MAF: variants seen among roughly 807,000 people sequenced by gnomAD.
MAF encodes MAF bZIP transcription factor.
A neutral mutation model predicts 22.0 loss-of-function variants in MAF; 10 were observed. The ratio of observed to expected loss-of-function variants is 0.45; its 90% CI spans 0.28 to 0.77. The LOEUF (loss-of-function observed/expected upper bound fraction) is 0.77. MAF is among the 30% of genes least tolerant of loss of function. MAF has a pLI of 0.12. For missense variants in MAF, 544 were observed against 548.4 expected, an observed-to-expected ratio of 0.99 and a Z score of 0.08; for synonymous variants, 337 against 255.8, an observed-to-expected ratio of 1.32 and a Z score of -3.03.
chr16:79,547,900 G>GAGAGAGAGAGAGAGAC, the MAF span, among the ~76,000 whole-genome samples: 3 of 131,342 alleles, frequency 2.3e-5, no homozygotes, highest in African/African-American at 5.5e-5. Flanking sequence ...GTGTGTGTGT[G>GAGAGAGAGAGAGAGAC]TGAGAGAGAG....
chr16:79,417,584 G>A, the MAF span, among the ~76,000 whole-genome samples: 1 of 152,254 alleles, frequency 6.6e-6, no homozygotes, highest in South Asian at 2.1e-4. Flanking sequence ...CCGAAGGAGG[G>A]AGGGCTGGGG....
chr16:79,530,975 G>A, the MAF span, among the ~76,000 whole-genome samples: 3 of 152,304 alleles, frequency 2.0e-5, no homozygotes, highest in Admixed American at 1.3e-4. Flanking sequence ...AAGGAAACCA[G>A]GAGACTTGCC....
At chr16:79,478,466 C>T in the MAF span, among the ~76,000 whole-genome samples, 1 of 152,120 alleles carries the variant, frequency 6.6e-6, no homozygotes, top group East Asian at 1.9e-4. Context: ...GAGAAGAACA[C>T]AATCACCACT....
At chr16:79,537,307 A>G in the MAF span, among the ~76,000 whole-genome samples, 3 of 152,236 alleles carry the variant, frequency 2.0e-5, no homozygotes, top group Non-Finnish European at 2.9e-5. Flanking sequence ...GATACTGATG[A>G]AAGCATCATC....
At chr16:79,440,924 G>A in the MAF span, among the ~76,000 whole-genome samples, 1 of 152,198 alleles carries the variant, frequency 6.6e-6, no homozygotes, top group African/African-American at 2.4e-5. Context: ...GCCAAGCTCT[G>A]TCCTCTGTAG....
the MAF span, among the ~76,000 whole-genome samples, chr16:79,558,858 G>C: frequency 6.6e-6 from 1 of 152,180 alleles, no homozygotes; most frequent in Non-Finnish European, 1.5e-5. Flanking sequence ...TTCTTTGGAA[G>C]GTATTTGACT....
At chr16:79,369,944 G>T in the MAF span, among the ~76,000 whole-genome samples, 1,693 of 152,254 alleles carry the variant, frequency 0.011, 16 homozygotes, top group South Asian at 0.027. Flanking sequence ...CCCCACAGAG[G>T]GCCTCTCCCA....
chr16:79,334,307 G>A, the MAF span, among the ~76,000 whole-genome samples: 1 of 152,130 alleles, frequency 6.6e-6, no homozygotes, highest in African/African-American at 2.4e-5. Flanking sequence ...CATGGTCAAA[G>A]CGTCCAGACC....
chr16:79,352,300 C>A, the MAF span, among the ~76,000 whole-genome samples: 1 of 152,132 alleles, frequency 6.6e-6, no homozygotes, highest in African/African-American at 2.4e-5. Flanking sequence ...GAAATAATCA[C>A]GTATTCCACG....
the MAF span, among the ~76,000 whole-genome samples, chr16:79,311,522 G>C: frequency 1.3e-5 from 2 of 150,104 alleles, no homozygotes; most frequent in African/African-American, 4.9e-5. Context: ...AAAACATTAT[G>C]TCTGCCCTCA....
chr16:79,591,695 C>T (rs1216226785), downstream of MAF, among the ~76,000 whole-genome samples: 1 of 152,158 alleles, frequency 6.6e-6, no homozygotes, highest in Non-Finnish European at 1.5e-5. Flanking sequence ...CTTCCCATCT[C>T]AGCCTTTTTC....
the MAF span, among the ~76,000 whole-genome samples, chr16:79,546,056 T>G: frequency 6.6e-6 from 1 of 151,916 alleles, no homozygotes; most frequent in East Asian, 1.9e-4. Flanking sequence ...AATAATAAAT[T>G]ATAAAATAAA....
the MAF span, among the ~76,000 whole-genome samples, chr16:79,389,618 T>A: frequency 6.6e-6 from 1 of 152,188 alleles, no homozygotes; most frequent in African/African-American, 2.4e-5. Context: ...TAAAACATTT[T>A]TCTTTTTTAA....
At chr16:79,477,417 C>A in the MAF span, among the ~76,000 whole-genome samples, 3 of 152,140 alleles carry the variant, frequency 2.0e-5, no homozygotes, top group Non-Finnish European at 4.4e-5. Context: ...CCAGCCTCCA[C>A]GAGCCTGGCT....
At chr16:79,540,507 G>C in the MAF span, among the ~76,000 whole-genome samples, 6 of 152,152 alleles carry the variant, frequency 3.9e-5, no homozygotes, top group Admixed American at 3.9e-4. Context: ...GCCAGCTGGA[G>C]GACTGGGTCC....
chr16:79,320,670 G>A, the MAF span, among the ~76,000 whole-genome samples: 2 of 152,162 alleles, frequency 1.3e-5, no homozygotes, highest in African/African-American at 2.4e-5. Context: ...CAGCTTCTAG[G>A]GTTGCATGGG....
At chr16:79,299,347 G>GAAAAAAAAAAAAAAAAAAAAAA in the MAF span, among the ~76,000 whole-genome samples, 1 of 86,840 alleles carries the variant, frequency 1.2e-5, no homozygotes, top group Non-Finnish European at 2.5e-5. Flanking sequence ...CAAAGAAAAA[G>GAAAAAAAAAAAAAAAAAAAAAA]AAAAAAAAAA....
At chr16:79,278,373 T>G in the MAF span, among the ~76,000 whole-genome samples, 16 of 152,356 alleles carry the variant, frequency 1.1e-4, no homozygotes, top group East Asian at 2.9e-3. Context: ...CCATCTTTCT[T>G]CTGGAAGCGA....
At chr16:79,521,830 C>T in the MAF span, among the ~76,000 whole-genome samples, 1 of 152,188 alleles carries the variant, frequency 6.6e-6, no homozygotes, top group Non-Finnish European at 1.5e-5. Flanking sequence ...ATACTAAGCA[C>T]TCTAATAAAT....
Sources: allele counts gnomAD v4.1 joint callset (sites outside exome capture counted in the v4.1 genomes callset), GRCh38; gene constraint gnomAD v4.1.1; transcripts MANE v1.5; gene names NCBI Gene and HGNC (gene_info 2026-07-23, HGNC 2026-07-21).